The following MYO19 variants were observed in gnomAD, a reference collection of about 807,000 sequenced individuals.
MYO19 encodes the protein unconventional myosin-XIX.
In MYO19, 132 loss-of-function variants were observed where a neutral mutation model predicts 129.2. That is an observed-to-expected ratio of 1.02 (90% CI 0.89 to 1.18). The LOEUF (loss-of-function observed/expected upper bound fraction) is 1.18. MYO19 is among the 50% of genes most tolerant of loss of function. MYO19 has a pLI of 0.00. For missense variants in MYO19, 1,210 were observed against 1,216.7 expected, an observed-to-expected ratio of 0.99 and a Z score of 0.08; for synonymous variants, 531 against 477.2, an observed-to-expected ratio of 1.11 and a Z score of -1.47.
At chr17:36,518,554 G>GTATA (rs1212249190) in intron 6 of MYO19, among the ~76,000 whole-genome samples, 1 of 66,552 alleles carries the variant, frequency 1.5e-5, no homozygotes, top group Non-Finnish European at 2.8e-5. Flanking sequence ...ATATATATAT[G>GTATA]TGTATGTGTA....
At chr17:36,537,066 A>G (rs753333818), upstream of MYO19, 1 of 1,529,178 alleles carries the variant, frequency 6.5e-7, no homozygotes, top group Admixed American at 2.1e-5. Flanking sequence ...CTTTTCACAA[A>G]TCCATTCCTT....
intron 9 of MYO19, among the ~76,000 whole-genome samples, chr17:36,514,032 C>T (rs573741114): frequency 1.1e-4 from 16 of 152,298 alleles, no homozygotes; most frequent in African/African-American, 3.6e-4. Flanking sequence ...AAGGATGCTC[C>T]GATTTTGAGA....
intron 3 of MYO19, among the ~76,000 whole-genome samples, chr17:36,530,660 G>A (rs1332247893): frequency 1.3e-5 from 2 of 149,304 alleles, no homozygotes; most frequent in African/African-American, 2.5e-5. Context: ...TCGCTCTATC[G>A]CCCAGGCTGG....
At chr17:36,536,615 A>G (rs887530182), upstream of MYO19, among the ~76,000 whole-genome samples, 1 of 148,122 alleles carries the variant, frequency 6.8e-6, no homozygotes, top group African/African-American at 2.5e-5. Flanking sequence ...CCCCGGTTCA[A>G]CCGATTCTCC....
chr17:36,540,372 C>CTTTT (rs532388058), intron 2 of MYO19, among the ~76,000 whole-genome samples: 4 of 138,728 alleles, frequency 2.9e-5, no homozygotes, highest in Non-Finnish European at 4.7e-5. Flanking sequence ...ATTCTACTGT[C>CTTTT]TTTTTTTTTT....
In MYO19 at chr17:36,499,066, C is replaced by CT; in HGVS notation, c.2463+8dup. ...CACTGCCCACCCCGACTTCTTGGGT[C>CT]TTACTTACTCTCCACTTCTGCCATG... On this transcript the variant is annotated intron_variant, in intron 24 of 25. Transcript: ENST00000614623. 1 of 1,599,742 alleles carries CT rather than the reference C, an allele frequency of 6.3e-7. No homozygotes were observed. Among genetic ancestry groups the CT allele is most frequent in the Non-Finnish European group, 8.5e-7 (1 of 1,171,476 alleles).
chr17:36,532,561 G>A lies in MYO19; in HGVS notation c.-23C>T, dbSNP rs970501882. 1.3e-6 allele frequency: 2 copies of A among 1,553,826 alleles called. No individual in the cohort carries two copies. Among genetic ancestry groups the A allele is most frequent in the Non-Finnish European group, 1.7e-6 (2 of 1,148,220 alleles). On this transcript the variant is annotated 5_prime_UTR_variant, in exon 3 of 26. Transcript: ENST00000614623. Reference sequence around the variant, plus strand: ...CATCCTCCTTCAAAGTGGTCAGCCAGGGTTCTGGGTTGCAGGAGGTACAAG... The same window carrying A: ...CATCCTCCTTCAAAGTGGTCAGCCAAGGTTCTGGGTTGCAGGAGGTACAAG...
At chr17:36,542,466 G>C (rs1017778468) in intron 1 of MYO19, among the ~76,000 whole-genome samples, 1 of 152,068 alleles carries the variant, frequency 6.6e-6, no homozygotes, top group African/African-American at 2.4e-5. Flanking sequence ...TTGGGAGGCC[G>C]AGGCGGGCGG....
chr17:36,535,533 C>G (rs919527142), upstream of MYO19: 1 of 152,230 alleles, frequency 6.6e-6, no homozygotes, highest in African/African-American at 2.4e-5. Context: ...GCGGGTGCAG[C>G]GGCAGTCCGG....
At chr17:36,525,446 G>A in intron 5 of MYO19, 105 bp from the exon 6 acceptor site, 1 of 840,810 alleles carries the variant, frequency 1.2e-6, no homozygotes, top group South Asian at 1.6e-5. Flanking sequence ...GCAGTGGTGG[G>A]ATGCTTCCTC....
In MYO19 at chr17:36,511,354, C is replaced by A; in HGVS notation, c.985+11G>T. The stretch of plus-strand genomic sequence containing the variant: ...GACAGGGCCTGCCCCATCCTACACC[C>A]TGACCCTCACACTTGGCATCATCCA... On this transcript the variant is annotated intron_variant, in intron 12 of 25. Transcript: ENST00000614623. 6.4e-7 allele frequency: 1 copy of A among 1,568,354 alleles called. No individual in the cohort carries two copies. Among genetic ancestry groups the A allele is most frequent in the South Asian group, 1.2e-5 (1 of 84,924 alleles).
intron 6 of MYO19, among the ~76,000 whole-genome samples, chr17:36,521,403 T>C (rs1264438602): frequency 6.6e-6 from 1 of 151,668 alleles, no homozygotes; most frequent in Non-Finnish European, 1.5e-5. Context: ...TTCCAAAGAA[T>C]TGGAAGGTAA....
At chr17:36,518,563 T>C (rs1306414775) in intron 6 of MYO19, among the ~76,000 whole-genome samples, 1 of 131,152 alleles carries the variant, frequency 7.6e-6, no homozygotes, top group Admixed American at 8.1e-5. Context: ...TGTGTATGTG[T>C]ATATATATGT....
Position 36,515,903 on chromosome 17 carries a change from T to C in MYO19, c.502A>G (p.Ile168Val). ...TTGGAGTTCAGGATCCTCTGTTCTATCCTCTCTGCAATCTTGTGGCTCTCC... is the reference window on the plus strand; with the variant it reads ...TTGGAGTTCAGGATCCTCTGTTCTACCCTCTCTGCAATCTTGTGGCTCTCC... ...SWESHKIAER[I>V]EQRILNSNPV... is the part of the protein sequence containing the mutation. Residue 168 changes from isoleucine to valine, a missense_variant, in exon 7 of 26, where the codon ATA becomes GTA. By Grantham distance (29) the Ile-to-Val change is conservative. Coordinates refer to ENST00000614623, the MANE Select transcript of MYO19 (RefSeq NM_001163735.2). 7 of 1,613,868 alleles carry C rather than the reference T, an allele frequency of 4.3e-6. No homozygotes were observed. The highest frequency in any genetic ancestry group is 5.9e-6 in the Non-Finnish European group (7 of 1,179,802).
At chr17:36,533,061 G>T (rs1025309330) in intron 2 of MYO19, 1 of 156,752 alleles carries the variant, frequency 6.4e-6, no homozygotes, top group Non-Finnish European at 1.4e-5. Context: ...ATCTCTCGCT[G>T]CTCCAGGAAA....
intron 23 of MYO19, 24 bp from the exon 24 acceptor site, chr17:36,499,184 G>C (rs1479629779): frequency 1.9e-6 from 3 of 1,574,616 alleles, no homozygotes; most frequent in East Asian, 2.3e-5. Flanking sequence ...CCAGAAACAG[G>C]AAAGAGATAA....
rs146955086 is a variant in MYO19 at position 36,506,173 on chromosome 17, T to G, written c.1797+283A>C. On this transcript the variant is annotated intron_variant, in intron 18 of 25. Coordinates refer to ENST00000614623, the MANE Select transcript of MYO19 (RefSeq NM_001163735.2). Reference sequence around the variant, plus strand: ...AGATGAGCCAGGTCAAAGAAGCTCATGTAGCTGATCCTCTTCCCATGAGCA... The same window carrying G: ...AGATGAGCCAGGTCAAAGAAGCTCAGGTAGCTGATCCTCTTCCCATGAGCA... Among the ~76,000 whole-genome samples, 308 of 152,240 alleles carry G rather than the reference T, an allele frequency of 2.0e-3. 2 individuals are homozygous for G. Among genetic ancestry groups the G allele is most frequent in the African/African-American group, 7.2e-3 (297 of 41,538 alleles).
chr17:36,527,137 G>A (rs1361519725), intron 5 of MYO19, among the ~76,000 whole-genome samples: 1 of 152,030 alleles, frequency 6.6e-6, no homozygotes, highest in Admixed American at 6.6e-5. Flanking sequence ...TTGCACTCCA[G>A]TCTGGGCAAT....
At chr17:36,508,862 G>C (rs2072109686) in intron 14 of MYO19, 200 bp downstream of exon 14, 3 of 608,590 alleles carry the variant, frequency 4.9e-6, no homozygotes, top group Middle Eastern at 4.4e-4. Context: ...GTTATGGACT[G>C]CTCAGATGTG....
Sources: allele counts gnomAD v4.1 joint callset (sites outside exome capture counted in the v4.1 genomes callset), GRCh38; gene constraint gnomAD v4.1.1; transcripts MANE v1.5; gene names NCBI Gene and HGNC (gene_info 2026-07-23, HGNC 2026-07-21).